The following CCSER1 variants were observed in gnomAD, a reference collection of about 807,000 sequenced individuals.
CCSER1 encodes the protein serine-rich coiled-coil domain-containing protein 1.
CCSER1 carries 41 observed loss-of-function variants against 82.0 expected under a neutral mutation model. The ratio of observed to expected loss-of-function variants is 0.50; its 90% CI spans 0.39 to 0.65. The LOEUF (loss-of-function observed/expected upper bound fraction) is 0.65, where lower values mean the gene tolerates loss of function less well. Ranked by LOEUF, CCSER1 falls within the 30% of genes least tolerant of loss-of-function variation. The probability of loss-of-function intolerance (pLI) is 0.00; values close to 1 mark genes in which losing one functional copy is unlikely to be tolerated. For synonymous variants in CCSER1, 414 were observed against 383.9 expected, an observed-to-expected ratio of 1.08 and a Z score of -0.92; for missense variants, 1,119 against 1,064.2, an observed-to-expected ratio of 1.05 and a Z score of -0.72.
chr4:90,972,864 A>G (rs961113531), intron 9 of CCSER1, among the ~76,000 whole-genome samples: 3 of 151,824 alleles, frequency 2.0e-5, no homozygotes, highest in Non-Finnish European at 4.4e-5. Flanking sequence ...CCACATTTGT[A>G]GTCAACTGAT....
intron 6 of CCSER1, among the ~76,000 whole-genome samples, chr4:90,644,561 A>G (rs1171937723): frequency 6.6e-6 from 1 of 152,050 alleles, no homozygotes; most frequent in African/African-American, 2.4e-5. Flanking sequence ...CTGCATCTAT[A>G]GACCCATCAC....
intron 5 of CCSER1, among the ~76,000 whole-genome samples, chr4:90,557,552 C>T (rs758012409): frequency 6.6e-6 from 1 of 151,962 alleles, no homozygotes; most frequent in Non-Finnish European, 1.5e-5. Flanking sequence ...AAATAAATAT[C>T]TATTTTAGTG....
intron 10 of CCSER1, among the ~76,000 whole-genome samples, chr4:91,268,386 T>C (rs1034600340): frequency 6.6e-6 from 1 of 152,218 alleles, no homozygotes; most frequent in African/African-American, 2.4e-5. Context: ...CTGTTGAGAA[T>C]ATAAAGGAAA....
chr4:91,093,922 C>T (rs1724234009), intron 10 of CCSER1, among the ~76,000 whole-genome samples: 1 of 152,172 alleles, frequency 6.6e-6, no homozygotes, highest in Admixed American at 6.5e-5. Flanking sequence ...CTAGAAATTC[C>T]CTTACTTGCC....
At chr4:90,320,890 C>T (rs1442557530) in intron 3 of CCSER1, among the ~76,000 whole-genome samples, 1 of 152,076 alleles carries the variant, frequency 6.6e-6, no homozygotes, top group African/African-American at 2.4e-5. Flanking sequence ...TTAGCACCTA[C>T]ATTGTTACCT....
At position 90,657,226 on chromosome 4, in the gene CCSER1, TA is replaced by T. The variant is rs1401887151; in HGVS notation, c.1932+29001del. On this transcript the variant is annotated intron_variant, in intron 6 of 10. Transcript: ENST00000509176. ...CATCTTAAAACATATTTTAACTAAA[TA>T]AAAAAATCTGTTTGCAGTTATTTTT... 2.0e-5 allele frequency among the ~76,000 whole-genome samples: 3 copies of T among 152,102 alleles called. No individual in the cohort carries two copies. In the East Asian group the frequency reaches 5.8e-4, roughly 29 times the overall value.
intron 7 of CCSER1, among the ~76,000 whole-genome samples, chr4:90,772,462 T>C: frequency 6.6e-6 from 1 of 152,180 alleles, no homozygotes; most frequent in East Asian, 1.9e-4. Context: ...ACAGAAAATG[T>C]CAGGTATAAC....
chr4:91,426,359 T>A (rs2149388441), intron 10 of CCSER1, among the ~76,000 whole-genome samples: 1 of 152,342 alleles, frequency 6.6e-6, no homozygotes, highest in African/African-American at 2.4e-5. Flanking sequence ...CGTGCACATA[T>A]GTCTTTATAG....
At chr4:90,724,856 A>G (rs1375155048) in intron 7 of CCSER1, among the ~76,000 whole-genome samples, 2 of 151,788 alleles carry the variant, frequency 1.3e-5, no homozygotes, top group Non-Finnish European at 3.0e-5. Flanking sequence ...ATCTTATTCA[A>G]TTTTATATTG....
intron 10 of CCSER1, among the ~76,000 whole-genome samples, chr4:91,392,644 G>T (rs763076480): frequency 3.3e-5 from 5 of 152,020 alleles, no homozygotes; most frequent in African/African-American, 4.8e-5. Flanking sequence ...CATTTGCACA[G>T]TTACTATGTG....
chr4:90,357,356 T>A (rs1205456894), intron 3 of CCSER1, among the ~76,000 whole-genome samples: 2 of 151,894 alleles, frequency 1.3e-5, no homozygotes. Context: ...TCTTTTTGCG[T>A]GATTTTTTTA....
intron 3 of CCSER1, among the ~76,000 whole-genome samples, chr4:90,396,375 A>G (rs892596050): frequency 1.3e-5 from 2 of 152,088 alleles, no homozygotes; most frequent in South Asian, 2.1e-4. Context: ...GTACAGTACT[A>G]CTTTTGGTAC....
At chr4:90,200,027 A>C (rs887178886) in intron 1 of CCSER1, among the ~76,000 whole-genome samples, 1 of 150,122 alleles carries the variant, frequency 6.7e-6, no homozygotes, top group African/African-American at 2.5e-5. Context: ...CCTACCCTGG[A>C]GGCACCCTCC....
chr4:90,295,039 T>C (rs1731612190), intron 1 of CCSER1, among the ~76,000 whole-genome samples: 1 of 152,050 alleles, frequency 6.6e-6, no homozygotes, highest in Admixed American at 6.6e-5. Flanking sequence ...TTTGACCTTA[T>C]ATGTTTAGCT....
At chr4:91,345,485 C>T (rs148468084) in intron 10 of CCSER1, among the ~76,000 whole-genome samples, 4 of 152,132 alleles carry the variant, frequency 2.6e-5, no homozygotes, top group African/African-American at 9.6e-5. Flanking sequence ...TTTAGGTAAA[C>T]CTTTGCAACA....
chr4:90,891,681 C>T (rs1228042157), intron 8 of CCSER1, among the ~76,000 whole-genome samples: 1 of 151,914 alleles, frequency 6.6e-6, no homozygotes, highest in Non-Finnish European at 1.5e-5. Flanking sequence ...TCAGCACAAC[C>T]ACTATATCTG....
At chr4:90,779,072 ATAT>A (rs1357944641) in intron 7 of CCSER1, among the ~76,000 whole-genome samples, 1 of 152,076 alleles carries the variant, frequency 6.6e-6, no homozygotes. Context: ...ATTTATGCAA[ATAT>A]TATGTCATAT....
intron 7 of CCSER1, among the ~76,000 whole-genome samples, chr4:90,804,433 T>C (rs1375498528): frequency 6.6e-6 from 1 of 152,050 alleles, no homozygotes; most frequent in African/African-American, 2.4e-5. Context: ...TCTGCATACG[T>C]CTAGCCAGTT....
chr4:90,486,962 A>G (rs991492932), intron 5 of CCSER1, among the ~76,000 whole-genome samples: 5 of 152,232 alleles, frequency 3.3e-5, no homozygotes, highest in African/African-American at 9.6e-5. Context: ...CCCAGGCTGG[A>G]GTGCAAAGGC....
Sources: gnomAD v4.1 joint callset for allele counts (sites outside exome capture counted in the v4.1 genomes callset) on GRCh38, gnomAD v4.1.1 for gene constraint, MANE v1.5 for transcripts, NCBI Gene and HGNC (gene_info 2026-07-23, HGNC 2026-07-21) for gene names.